The following CHAF1A variants were observed in gnomAD, a reference collection of about 807,000 sequenced individuals.
CHAF1A encodes the protein chromatin assembly factor 1 subunit A.
Under a neutral mutation model 93.2 loss-of-function variants are expected in CHAF1A, and 5 were observed. The ratio of observed to expected loss-of-function variants is 0.05; its 90% CI spans 0.03 to 0.11. The LOEUF (loss-of-function observed/expected upper bound fraction) is 0.11, where lower values mean the gene tolerates loss of function less well. Ranked by LOEUF, CHAF1A falls within the 10% of genes least tolerant of loss-of-function variation. CHAF1A has a pLI of 1.00. For missense variants in CHAF1A, 1,102 were observed against 1,259.9 expected (o/e 0.87, Z 1.90); for synonymous variants, 504 against 510.3 (o/e 0.99, Z 0.17).
chr19:4,419,395 G>GA (rs1371404721), intron 4 of CHAF1A, among the ~76,000 whole-genome samples: 1 of 151,724 alleles, frequency 6.6e-6, no homozygotes, highest in African/African-American at 2.4e-5. Context: ...TGGCCACACT[G>GA]AGTTTTTGTG....
intron 1 of CHAF1A, among the ~76,000 whole-genome samples, chr19:4,404,475 G>A (rs1183610736): frequency 6.6e-6 from 1 of 152,184 alleles, no homozygotes; most frequent in African/African-American, 2.4e-5. Context: ...TTAGGGGGTA[G>A]AAATCCATGG....
intron 3 of CHAF1A, among the ~76,000 whole-genome samples, chr19:4,413,058 G>A (rs1462333750): frequency 2.0e-5 from 3 of 152,016 alleles, no homozygotes; most frequent in Admixed American, 6.6e-5. Context: ...TTCATAGTTG[G>A]TACCTAACTC....
In CHAF1A at chr19:4,418,829, TCAC is replaced by T. The variant is rs575414288; in HGVS notation, c.1017+757_1017+759del. 9.9e-5 allele frequency among the ~76,000 whole-genome samples: 15 copies of T among 152,188 alleles called. 1 individual carries two copies. In the South Asian group the frequency reaches 3.1e-3, roughly 32 times the overall value. ...TTAGTCTCCTATTCTGTGGGGGGCA[TCAC>T]CACGTTTTCCACACAGCAATGCAGG... On this transcript the variant is annotated intron_variant, in intron 4 of 14. Coordinates refer to ENST00000301280, the MANE Select transcript of CHAF1A (RefSeq NM_005483.3).
chr19:4,444,909 C>T (rs1974470967), downstream of CHAF1A: 1 of 154,176 alleles, frequency 6.5e-6, no homozygotes, highest in Admixed American at 6.4e-5. Context: ...CACATGGTCC[C>T]ACCTTGACAG....
At chr19:4,447,925 G>C (rs1050184281), downstream of CHAF1A, 1 of 503,732 alleles carries the variant, frequency 2.0e-6, no homozygotes, top group Non-Finnish European at 3.6e-6. Context: ...AGAGTGGAGA[G>C]CCAGAGCTGA....
downstream of CHAF1A, chr19:4,445,611 G>A: frequency 1.2e-6 from 2 of 1,613,246 alleles, no homozygotes; most frequent in Non-Finnish European, 1.7e-6. Flanking sequence ...AAGGTCAGGA[G>A]GGCAGAGGGC....
chr19:4,448,145 G>A, downstream of CHAF1A: 1 of 624,860 alleles, frequency 1.6e-6, no homozygotes, highest in Middle Eastern at 4.1e-4. Flanking sequence ...GGCCCAAGGA[G>A]GCCCAGCCCT....
intron 3 of CHAF1A, among the ~76,000 whole-genome samples, chr19:4,411,783 G>A (rs1973809635): frequency 6.6e-6 from 1 of 151,450 alleles, no homozygotes; most frequent in South Asian, 2.1e-4. Context: ...GAGTAGCTGG[G>A]ATTACAGGTG....
At chr19:4,430,699 C>T (rs1230935419) in intron 11 of CHAF1A, 58 bp downstream of exon 11, 4 of 1,584,618 alleles carry the variant, frequency 2.5e-6, no homozygotes, top group African/African-American at 2.7e-5. Context: ...TGGACTGGTG[C>T]TCAGTGGCCT....
chr19:4,423,967 C>T (rs1169298636), intron 7 of CHAF1A, 93 bp downstream of exon 7: 3 of 1,223,642 alleles, frequency 2.5e-6, no homozygotes, highest in Admixed American at 1.9e-5. Flanking sequence ...CAGCTTCTCT[C>T]ATTAGGAGGG....
In CHAF1A at chr19:4,433,368, C is replaced by T. The variant is rs749365902; in HGVS notation, c.2502C>T (p.Pro834=). ...AGAGCTTCCAGCAGGAGCACCTGCC[C>T]GTGCCGTGCCAGTGGAGCTATGTGA... The part of the protein sequence containing the change: ...VLQSFQQEHL[P]VPCQWSYVTS... Residue 834 remains proline (P), a synonymous_variant, in exon 13 of 15, where the codon CCC becomes CCT. Coordinates refer to ENST00000301280, the MANE Select transcript of CHAF1A (RefSeq NM_005483.3). The surrounding 1 kb of genome is among the most constrained non-coding windows in gnomAD (Gnocchi z 5.6). The T allele has an allele frequency of 1.3e-5, 21 of 1,612,718 alleles. No homozygotes were observed. Among genetic ancestry groups the T allele is most frequent in the African/African-American group, 4.0e-5 (3 of 74,908 alleles).
chr19:4,446,433 C>T (rs1366572860), downstream of CHAF1A: 2 of 1,578,086 alleles, frequency 1.3e-6, no homozygotes, highest in Non-Finnish European at 1.7e-6. Flanking sequence ...CGGGCCAGGT[C>T]ACGAGGGCTG....
chr19:4,431,811 C>G (rs191444922), intron 11 of CHAF1A, 141 bp from the exon 12 acceptor site: 59 of 1,005,466 alleles, frequency 5.9e-5, no homozygotes, highest in Non-Finnish European at 8.2e-5. Flanking sequence ...GTGCTCTGCC[C>G]TGGCCCTGAC....
At chr19:4,416,831 C>A (rs376534296) in intron 3 of CHAF1A, among the ~76,000 whole-genome samples, 10 of 152,102 alleles carry the variant, frequency 6.6e-5, no homozygotes, top group African/African-American at 2.4e-4. Context: ...GTAGAGGTTG[C>A]AGTGAGCCGA....
At chr19:4,432,280 A>G in intron 12 of CHAF1A, 73 bp downstream of exon 12, 3 of 1,487,472 alleles carry the variant, frequency 2.0e-6, no homozygotes, top group South Asian at 1.3e-5. Flanking sequence ...GGCAAGAGTC[A>G]CAGGCTAGTG....
At chr19:4,438,022 T>C (rs1974318514) in intron 13 of CHAF1A, among the ~76,000 whole-genome samples, 1 of 152,168 alleles carries the variant, frequency 6.6e-6, no homozygotes, top group African/African-American at 2.4e-5. Flanking sequence ...ATTACAGGCG[T>C]GAGACACCAC....
At chr19:4,428,968 T>TTCA in intron 8 of CHAF1A, 78 bp downstream of exon 8, 2 of 1,167,078 alleles carry the variant, frequency 1.7e-6, no homozygotes, top group Non-Finnish European at 2.5e-6. Flanking sequence ...GTCCCCGGGG[T>TTCA]GGGAGCTCTG....
chr19:4,442,904 C>G lies in CHAF1A; in HGVS notation c.2771-21C>G, dbSNP rs923644899. ...CCAGAGGGCCCAGCCAGCTCAAGAC[C>G]CTCCCTCTCTTGCCCTGCAGAGGTC... On this transcript the variant is annotated intron_variant, in intron 14 of 14. Coordinates refer to ENST00000301280, the MANE Select transcript of CHAF1A (RefSeq NM_005483.3). 30 of 1,537,474 alleles carry G rather than the reference C, an allele frequency of 2.0e-5. No individual in the cohort carries two copies. In the African/African-American group the frequency reaches 2.9e-4, roughly 15 times the overall value.
intron 13 of CHAF1A, among the ~76,000 whole-genome samples, chr19:4,438,351 GT>G (rs1320319023): frequency 1.6e-5 from 2 of 126,924 alleles, no homozygotes; most frequent in Non-Finnish European, 3.6e-5. Flanking sequence ...GCAAGAAGAG[GT>G]TTTTTTGTTT....
Sources: gnomAD v4.1 joint callset for allele counts (sites outside exome capture counted in the v4.1 genomes callset) on GRCh38, gnomAD v4.1.1 for gene constraint, Gnocchi (gnomAD v3.1) non-coding constraint, MANE v1.5 for transcripts, NCBI Gene and HGNC (gene_info 2026-07-23, HGNC 2026-07-21) for gene names.